NKAIN3: variants seen among roughly 807,000 people sequenced by gnomAD.
The protein encoded by NKAIN3 is sodium/potassium transporting ATPase interacting 3.
A neutral mutation model predicts 30.2 loss-of-function variants in NKAIN3; 25 were observed. That is an observed-to-expected ratio of 0.83 (90% confidence interval 0.60 to 1.16). NKAIN3 has a LOEUF of 1.16. Ranked by LOEUF, NKAIN3 falls within the 50% of genes most tolerant of loss-of-function variation. The probability of loss-of-function intolerance (pLI) is 0.00; values close to 1 mark genes in which losing one functional copy is unlikely to be tolerated. For missense variants in NKAIN3, 225 were observed against 254.1 expected, an observed-to-expected ratio of 0.89 and a Z score of 0.78; for synonymous variants, 91 against 89.6, an observed-to-expected ratio of 1.02 and a Z score of -0.09.
chr8:62,677,691 C>G (rs1048044278), intron 3 of NKAIN3, among the ~76,000 whole-genome samples: 2 of 152,178 alleles, frequency 1.3e-5, no homozygotes, highest in Non-Finnish European at 2.9e-5. Context: ...GGCTCCATGG[C>G]TGCACTGATT....
chr8:62,868,674 C>T (rs903304531), intron 4 of NKAIN3, among the ~76,000 whole-genome samples: 2 of 152,206 alleles, frequency 1.3e-5, no homozygotes, highest in African/African-American at 4.8e-5. Flanking sequence ...CACCGTTACT[C>T]AGTTCTTATA....
chr8:62,401,063 CTTAGAT>C, intron 1 of NKAIN3, among the ~76,000 whole-genome samples: 1 of 133,922 alleles, frequency 7.5e-6, no homozygotes, highest in Non-Finnish European at 1.7e-5. Context: ...GCCAAGAACT[CTTAGAT>C]TTTCCCTTTT....
chr8:62,921,479 T>A (rs973515086), intron 5 of NKAIN3, among the ~76,000 whole-genome samples: 5 of 152,166 alleles, frequency 3.3e-5, no homozygotes, highest in African/African-American at 4.8e-5. Flanking sequence ...TTCCGAAGGG[T>A]AATAAATACT....
At chr8:62,937,203 TAGAC>T (rs764584825) in intron 5 of NKAIN3, among the ~76,000 whole-genome samples, 1 of 152,042 alleles carries the variant, frequency 6.6e-6, no homozygotes, top group Non-Finnish European at 1.5e-5. Flanking sequence ...CCCACTCAGA[TAGAC>T]AGAACAGCAT....
intron 5 of NKAIN3, among the ~76,000 whole-genome samples, chr8:62,938,034 G>T (rs1361138498): frequency 6.6e-6 from 1 of 151,984 alleles, no homozygotes; most frequent in Non-Finnish European, 1.5e-5. Flanking sequence ...ATACCCCACA[G>T]CAGCCATGGA....
intron 5 of NKAIN3, among the ~76,000 whole-genome samples, chr8:62,933,329 A>T (rs1001976519): frequency 6.6e-6 from 1 of 152,246 alleles, no homozygotes; most frequent in East Asian, 1.9e-4. Flanking sequence ...GAAAGCGGAC[A>T]GTAAAAAGGA....
chr8:62,293,663 C>T (rs1218089313), intron 1 of NKAIN3, among the ~76,000 whole-genome samples: 1 of 152,188 alleles, frequency 6.6e-6, no homozygotes, highest in Non-Finnish European at 1.5e-5. Context: ...AGGTGTCTCC[C>T]AGTTAGGCTA....
chr8:62,275,296 G>T (rs1326509338), intron 1 of NKAIN3, among the ~76,000 whole-genome samples: 1 of 152,176 alleles, frequency 6.6e-6, no homozygotes, highest in Non-Finnish European at 1.5e-5. Flanking sequence ...TCTAACTGGT[G>T]TGAGATGGTA....
rs182441929 is a variant in NKAIN3 at position 62,433,122 on chromosome 8, C to T, written c.55-146417C>T. On this transcript the variant is annotated intron_variant, in intron 1 of 6. Transcript: ENST00000623646. ...TTTAAAAATGATTTAAATATTTTTG[C>T]CACTTTTTGATTCAAATAAAACTGT... 1.9e-3 allele frequency among the ~76,000 whole-genome samples: 284 copies of T among 152,162 alleles called. 1 individual carries two copies. The highest frequency in any genetic ancestry group is 6.6e-3 in the African/African-American group (273 of 41,542).
intron 4 of NKAIN3, chr8:62,855,705 G>A (rs558627874): frequency 5.8e-5 from 92 of 1,583,442 alleles, no homozygotes; most frequent in Admixed American, 2.8e-4. Flanking sequence ...CATGTGAAGC[G>A]GAGCTTCTGA....
chr8:62,326,381 A>G (rs1209079494), intron 1 of NKAIN3, among the ~76,000 whole-genome samples: 4 of 151,412 alleles, frequency 2.6e-5, no homozygotes, highest in Non-Finnish European at 5.9e-5. Flanking sequence ...GACATTTGTT[A>G]CTTATGATTT....
At chr8:62,655,159 G>A (rs758413924) in intron 3 of NKAIN3, among the ~76,000 whole-genome samples, 2 of 152,170 alleles carry the variant, frequency 1.3e-5, no homozygotes, top group Non-Finnish European at 2.9e-5. Context: ...CTTGGAGTGG[G>A]TGTGGAGGAG....
intron 3 of NKAIN3, among the ~76,000 whole-genome samples, chr8:62,745,187 C>T (rs1397887462): frequency 6.6e-6 from 1 of 152,218 alleles, no homozygotes; most frequent in Non-Finnish European, 1.5e-5. Context: ...GAGTTCCAAC[C>T]TCAATTTCAG....
At chr8:62,479,462 G>T (rs1806635810) in intron 1 of NKAIN3, among the ~76,000 whole-genome samples, 1 of 152,102 alleles carries the variant, frequency 6.6e-6, no homozygotes, top group Admixed American at 6.6e-5. Flanking sequence ...AGTTCCAAAG[G>T]CCCTGTTCCC....
At chr8:62,335,538 G>A (rs988376439) in intron 1 of NKAIN3, among the ~76,000 whole-genome samples, 2 of 151,786 alleles carry the variant, frequency 1.3e-5, no homozygotes, top group African/African-American at 4.8e-5. Context: ...TCTATGTAGA[G>A]ATGAGATTCT....
At chr8:62,568,699 A>T (rs1809830664) in intron 1 of NKAIN3, among the ~76,000 whole-genome samples, 1 of 152,170 alleles carries the variant, frequency 6.6e-6, no homozygotes. Context: ...TTGCCGCACA[A>T]CATGTAGCTG....
chr8:62,486,893 G>A (rs998819513), intron 1 of NKAIN3, among the ~76,000 whole-genome samples: 2 of 152,156 alleles, frequency 1.3e-5, no homozygotes, highest in East Asian at 1.9e-4. Context: ...AGCAGTTTGG[G>A]AAGTGTTCTT....
chr8:62,480,180 A>G (rs763131509), intron 1 of NKAIN3, among the ~76,000 whole-genome samples: 6 of 152,202 alleles, frequency 3.9e-5, no homozygotes, highest in Admixed American at 1.3e-4. Context: ...AGACCCTAAT[A>G]AGCATTGTGC....
At chr8:62,309,604 A>G (rs1285533407) in intron 1 of NKAIN3, among the ~76,000 whole-genome samples, 4 of 150,292 alleles carry the variant, frequency 2.7e-5, no homozygotes, top group Non-Finnish European at 5.9e-5. Context: ...ACTCTCCCAA[A>G]TCCTTGGCTT....
Sources: gnomAD v4.1 joint callset for allele counts (sites outside exome capture counted in the v4.1 genomes callset) on GRCh38, gnomAD v4.1.1 for gene constraint, MANE v1.5 for transcripts, NCBI Gene and HGNC (gene_info 2026-07-23, HGNC 2026-07-21) for gene names.